Variants in ADARB2 observed in about 807,000 individuals in gnomAD.
The protein encoded by ADARB2 is inactive double-stranded RNA-specific editase B2.
In ADARB2, 25 loss-of-function variants were observed where a neutral mutation model predicts 62.2. That is an observed-to-expected ratio of 0.40 (90% CI 0.29 to 0.56). The LOEUF (loss-of-function observed/expected upper bound fraction) is 0.56. Among genes scored for constraint, ADARB2 ranks in the 20% least tolerant of loss-of-function variants. The pLI is 0.43. For synonymous variants in ADARB2, 572 were observed against 500.8 expected (o/e 1.14, Z -1.90); for missense variants, 1,071 against 1,077.4 (o/e 0.99, Z 0.08).
chr10:1,231,770 A>T (rs1830806128), intron 6 of ADARB2, among the ~76,000 whole-genome samples: 1 of 152,202 alleles, frequency 6.6e-6, no homozygotes, highest in African/African-American at 2.4e-5. Flanking sequence ...CCACTTACAG[A>T]GAACCGTATC....
At chr10:1,323,261 A>C (rs1384262277) in intron 3 of ADARB2, among the ~76,000 whole-genome samples, 1 of 151,980 alleles carries the variant, frequency 6.6e-6, no homozygotes, top group Non-Finnish European at 1.5e-5. Context: ...AAAAAAAAAA[A>C]AAAAAAACAC....
chr10:1,338,357 A>G lies in ADARB2; in HGVS notation c.1077+24671T>C, dbSNP rs998729417. On this transcript the variant is annotated intron_variant, in intron 3 of 9. Transcript: ENST00000381312. ...CCCAGTTCACTGAGTCTGGTCCATA[A>G]TAACTACATTGCAGATAAACTTCAT... Among the ~76,000 whole-genome samples the G allele has an allele frequency of 7.2e-5, 11 of 152,216 alleles. No individual in the cohort carries two copies. The East Asian group carries it at 2.1e-3, about 29-fold the overall frequency.
chr10:1,250,938 G>C (rs980657630), intron 4 of ADARB2, among the ~76,000 whole-genome samples: 1 of 152,108 alleles, frequency 6.6e-6, no homozygotes, highest in African/African-American at 2.4e-5. Context: ...GACCCAACAC[G>C]TGCAGGAATT....
At chr10:1,273,695 G>A (rs1435027819) in intron 3 of ADARB2, among the ~76,000 whole-genome samples, 1 of 152,184 alleles carries the variant, frequency 6.6e-6, no homozygotes, top group Admixed American at 6.5e-5. Context: ...GCCCCAACAG[G>A]CCTCAGCTAT....
chr10:1,702,820 G>A (rs953252511), intron 1 of ADARB2, among the ~76,000 whole-genome samples: 1 of 152,226 alleles, frequency 6.6e-6, no homozygotes, highest in Non-Finnish European at 1.5e-5. Context: ...TTCACCACAT[G>A]CGATGATGAG....
chr10:1,297,360 C>T (rs1304316635), intron 3 of ADARB2, among the ~76,000 whole-genome samples: 1 of 152,180 alleles, frequency 6.6e-6, no homozygotes, highest in Admixed American at 6.5e-5. Flanking sequence ...TTGCCAGAGC[C>T]AAACTCAAGT....
At chr10:1,447,532 G>A (rs1414953464) in intron 1 of ADARB2, among the ~76,000 whole-genome samples, 3 of 151,828 alleles carry the variant, frequency 2.0e-5, no homozygotes, top group Non-Finnish European at 4.4e-5. Context: ...TTTGAGTGAA[G>A]ACAGATCATA....
At chr10:1,718,419 G>A (rs1189970077) in intron 1 of ADARB2, among the ~76,000 whole-genome samples, 5 of 152,314 alleles carry the variant, frequency 3.3e-5, no homozygotes, top group Middle Eastern at 3.4e-3. Context: ...CCACTGCCCT[G>A]GGAACACGGT....
At chr10:1,212,839 G>A in intron 7 of ADARB2, among the ~76,000 whole-genome samples, 1 of 151,536 alleles carries the variant, frequency 6.6e-6, no homozygotes, top group East Asian at 2.0e-4. Context: ...ACTGTGGCAG[G>A]CACCCTGCAG....
intron 1 of ADARB2, among the ~76,000 whole-genome samples, chr10:1,462,024 T>A (rs1041352692): frequency 4.6e-5 from 7 of 152,192 alleles, no homozygotes; most frequent in Non-Finnish European, 1.0e-4. Context: ...TAGTTGTTAA[T>A]TATTAAAAGT....
chr10:1,623,792 A>G (rs578183980), intron 1 of ADARB2, among the ~76,000 whole-genome samples: 2 of 152,352 alleles, frequency 1.3e-5, no homozygotes, highest in South Asian at 4.1e-4. Context: ...GTTAATGTTC[A>G]TAGAGCTTAT....
At chr10:1,621,903 G>T (rs530155034) in intron 1 of ADARB2, among the ~76,000 whole-genome samples, 1 of 86,436 alleles carries the variant, frequency 1.2e-5, no homozygotes, top group South Asian at 5.5e-4. Flanking sequence ...AAATGCAAAG[G>T]ATCTAATAGT....
intron 3 of ADARB2, among the ~76,000 whole-genome samples, chr10:1,281,268 G>T (rs748594914): frequency 6.6e-6 from 1 of 152,202 alleles, no homozygotes; most frequent in Non-Finnish European, 1.5e-5. Context: ...TCTTGAGCAT[G>T]TGCTGGGGGG....
intron 3 of ADARB2, among the ~76,000 whole-genome samples, chr10:1,324,918 G>C (rs1831829605): frequency 6.6e-6 from 1 of 152,242 alleles, no homozygotes; most frequent in Non-Finnish European, 1.5e-5. Flanking sequence ...ATGCCTGTCT[G>C]TCTGTGAGGC....
chr10:1,482,387 G>A (rs1831485655), intron 1 of ADARB2, among the ~76,000 whole-genome samples: 1 of 152,228 alleles, frequency 6.6e-6, no homozygotes, highest in Admixed American at 6.5e-5. Flanking sequence ...TCTGGTTTGT[G>A]CATAATGGAG....
intron 3 of ADARB2, among the ~76,000 whole-genome samples, chr10:1,326,402 G>C (rs1014921275): frequency 6.6e-6 from 1 of 152,178 alleles, no homozygotes; most frequent in Non-Finnish European, 1.5e-5. Context: ...TCTGTGACGT[G>C]GGCAAACTGA....
At chr10:1,639,868 CAAAA>C (rs1320440635) in intron 1 of ADARB2, among the ~76,000 whole-genome samples, 1 of 117,736 alleles carries the variant, frequency 8.5e-6, no homozygotes, top group Non-Finnish European at 2.0e-5. Context: ...CAAAGCAAAA[CAAAA>C]CAAACAAACA....
intron 3 of ADARB2, among the ~76,000 whole-genome samples, chr10:1,360,534 CTT>C (rs751637351): frequency 5.3e-5 from 8 of 152,200 alleles, no homozygotes; most frequent in Non-Finnish European, 1.2e-4. Flanking sequence ...TTTCTGAAGT[CTT>C]TTCATTTTTT....
intron 1 of ADARB2, among the ~76,000 whole-genome samples, chr10:1,714,906 G>A (rs1834998181): frequency 6.6e-6 from 1 of 152,108 alleles, no homozygotes; most frequent in Admixed American, 6.5e-5. Context: ...CAACGTGCAG[G>A]TTTGTTACAT....
Sources: allele counts gnomAD v4.1 joint callset (sites outside exome capture counted in the v4.1 genomes callset), GRCh38; gene constraint gnomAD v4.1.1; transcripts MANE v1.5; gene names NCBI Gene and HGNC (gene_info 2026-07-23, HGNC 2026-07-21).